Variants in OXSR1 observed in about 807,000 individuals in gnomAD.
OXSR1 encodes serine/threonine-protein kinase OSR1.
A neutral mutation model predicts 79.8 loss-of-function variants in OXSR1; 24 were observed. That is an observed-to-expected ratio of 0.30 (90% CI 0.22 to 0.42). The LOEUF (loss-of-function observed/expected upper bound fraction) is 0.42. OXSR1 is among the 10% of genes least tolerant of loss of function. The pLI is 1.00. For synonymous variants in OXSR1, 226 were observed against 209.2 expected (o/e 1.08, Z -0.69); for missense variants, 430 against 618.4 (o/e 0.70, Z 3.23).
In OXSR1 at chr3:38,251,367, A is replaced by T. The variant is rs757043615; in HGVS notation, c.1376-36A>T. ...TGAGAGTTAACAGTGGCAAGCACGC[A>T]CAAAAAACAGAGCACTGTCTTCTTT... On this transcript the variant is annotated intron_variant, in intron 15 of 17. Transcript: ENST00000311806. 6 of 1,577,900 alleles carry T rather than the reference A, an allele frequency of 3.8e-6. 1 individual carries two copies. The highest frequency in any genetic ancestry group is 1.7e-5 in the Admixed American group (1 of 59,924).
intron 3 of OXSR1, among the ~76,000 whole-genome samples, chr3:38,194,437 G>A (rs903155859): frequency 3.2e-4 from 48 of 152,226 alleles, no homozygotes; most frequent in Non-Finnish European, 6.2e-4. Flanking sequence ...CTGGCTACTT[G>A]GGAGGCTGGA....
chr3:38,244,006 G>A (rs1292333982), intron 12 of OXSR1, among the ~76,000 whole-genome samples: 1 of 152,178 alleles, frequency 6.6e-6, no homozygotes, highest in Non-Finnish European at 1.5e-5. Context: ...TACCGAGCTT[G>A]TTAGCCCCCG....
At chr3:38,229,590 C>A in intron 8 of OXSR1, 97 bp from the exon 9 acceptor site, 2 of 936,924 alleles carry the variant, frequency 2.1e-6, no homozygotes, top group South Asian at 1.5e-5. Context: ...TTTTATTTTG[C>A]TGTTGAAAAA....
At chr3:38,177,184 G>A (rs1701690604) in intron 1 of OXSR1, among the ~76,000 whole-genome samples, 1 of 152,218 alleles carries the variant, frequency 6.6e-6, no homozygotes, top group Non-Finnish European at 1.5e-5. Context: ...CTTTCTTGTA[G>A]ATTTGTGACC....
chr3:38,201,306 G>T (rs934184110), intron 4 of OXSR1, among the ~76,000 whole-genome samples: 11 of 151,984 alleles, frequency 7.2e-5, no homozygotes, highest in African/African-American at 2.7e-4. Flanking sequence ...GGTGGCTCAC[G>T]CCTATAATCC....
Position 38,253,158 on chromosome 3 carries a change from A to G in OXSR1, c.*267A>G, listed in dbSNP as rs564093286. Reference sequence around the variant, plus strand: ...TCTTCCTCCATCTGAGAAGTGGCCCATGTGCTTCAAGGCCCAGGAGGGAGA... The same window carrying G: ...TCTTCCTCCATCTGAGAAGTGGCCCGTGTGCTTCAAGGCCCAGGAGGGAGA... On this transcript the variant is annotated 3_prime_UTR_variant, in exon 18 of 18. Transcript: ENST00000311806. The G allele has an allele frequency of 3.8e-5, 17 of 444,604 alleles. 2 individuals are homozygous for G. In the South Asian group the frequency reaches 5.2e-4, roughly 14 times the overall value. The allele number at this position is 444,604 out of a possible 1,614,324, so 27.5% of individuals were successfully genotyped here.
chr3:38,183,248 A>G (rs2125809006), intron 2 of OXSR1, 133 bp downstream of exon 2: 2 of 439,666 alleles, frequency 4.5e-6, no homozygotes, highest in East Asian at 7.4e-5. Flanking sequence ...AATAATATTC[A>G]TTGTAAAATT....
At chr3:38,211,349 G>C (rs868293008) in intron 4 of OXSR1, among the ~76,000 whole-genome samples, 2 of 152,218 alleles carry the variant, frequency 1.3e-5, no homozygotes, top group African/African-American at 4.8e-5. Flanking sequence ...TTTGAACACT[G>C]TGATAGATGT....
At chr3:38,222,050 T>A (rs1702600088) in intron 6 of OXSR1, among the ~76,000 whole-genome samples, 1 of 152,202 alleles carries the variant, frequency 6.6e-6, no homozygotes, top group African/African-American at 2.4e-5. Flanking sequence ...TTCACATAAA[T>A]GCCTTATAGG....
At chr3:38,198,626 T>G in intron 3 of OXSR1, 96 bp from the exon 4 acceptor site, 1 of 851,256 alleles carries the variant, frequency 1.2e-6, no homozygotes, top group Non-Finnish European at 1.8e-6. Flanking sequence ...ACAGTTAAGT[T>G]TATGAGAAGG....
intron 1 of OXSR1, among the ~76,000 whole-genome samples, chr3:38,174,372 A>G (rs2125802308): frequency 6.6e-6 from 1 of 152,258 alleles, no homozygotes; most frequent in Admixed American, 6.5e-5. Context: ...ACATGAGGCC[A>G]GGAGTTTGAG....
In OXSR1 at chr3:38,216,132, T is replaced by G; in HGVS notation, c.471T>G (p.Asp157Glu). 1 of 1,598,798 alleles carries G rather than the reference T, an allele frequency of 6.3e-7. No individual in the cohort carries two copies. The highest frequency in any genetic ancestry group is 1.3e-5 in the African/African-American group (1 of 74,332). ...CTGGAAACATTCTTCTTGGAGAAGATGGCTCAGTACAGATTGCAGGTAATG... is the reference window on the plus strand; with the variant it reads ...CTGGAAACATTCTTCTTGGAGAAGAGGGCTCAGTACAGATTGCAGGTAATG... ...VKAGNILLGEDGSVQIADFGV... is the reference protein window; with the variant it reads ...VKAGNILLGEEGSVQIADFGV... The change falls in exon 5 of 18, where the codon GAT (aspartate) becomes GAG (glutamate). Residue 157 changes from aspartate to glutamate, a missense_variant. Physicochemically the swap from Asp to Glu is conservative, Grantham distance 45. Transcript: ENST00000311806.
At chr3:38,171,192 A>T (rs1334074503) in intron 1 of OXSR1, among the ~76,000 whole-genome samples, 8 of 152,044 alleles carry the variant, frequency 5.3e-5, no homozygotes, top group African/African-American at 1.4e-4. Context: ...GAGAAAAAAA[A>T]TTTTTTTTCT....
At chr3:38,182,973 T>C in intron 1 of OXSR1, 30 bp from the exon 2 acceptor site, 2 of 1,173,694 alleles carry the variant, frequency 1.7e-6, no homozygotes, top group Non-Finnish European at 1.3e-6. Flanking sequence ...ATCCATCTAC[T>C]TATTTACTCT....
At chr3:38,191,839 A>C (rs1475187532) in intron 3 of OXSR1, among the ~76,000 whole-genome samples, 1 of 152,178 alleles carries the variant, frequency 6.6e-6, no homozygotes, top group African/African-American at 2.4e-5. Context: ...TGTTTGAGTC[A>C]GTTATTTCAT....
intron 1 of OXSR1, 49 bp downstream of exon 1, chr3:38,165,995 G>C: frequency 1.3e-6 from 2 of 1,542,780 alleles, no homozygotes; most frequent in Middle Eastern, 2.2e-4. Flanking sequence ...GGGAGGCGGG[G>C]GACACGGGAA....
At chr3:38,229,164 A>C (rs1702754789) in intron 8 of OXSR1, among the ~76,000 whole-genome samples, 1 of 152,154 alleles carries the variant, frequency 6.6e-6, no homozygotes, top group Admixed American at 6.5e-5. Flanking sequence ...ATACTTTTAG[A>C]ATTTTCATTT....
chr3:38,210,342 G>C (rs1227067240), intron 4 of OXSR1, among the ~76,000 whole-genome samples: 2 of 152,140 alleles, frequency 1.3e-5, no homozygotes, highest in Non-Finnish European at 2.9e-5. Flanking sequence ...AGATGGGTTA[G>C]GTTCTGGTAA....
intron 3 of OXSR1, among the ~76,000 whole-genome samples, chr3:38,198,383 C>G (rs1702103964): frequency 6.6e-6 from 1 of 151,930 alleles, no homozygotes; most frequent in Non-Finnish European, 1.5e-5. Context: ...TCTTAAAAGC[C>G]TATATTGGTT....
Sources: gnomAD v4.1 joint callset for allele counts (sites outside exome capture counted in the v4.1 genomes callset) on GRCh38, gnomAD v4.1.1 for gene constraint, MANE v1.5 for transcripts, NCBI Gene and HGNC (gene_info 2026-07-23, HGNC 2026-07-21) for gene names.